Variants in MANSC4 observed in about 807,000 individuals in gnomAD.
The protein encoded by MANSC4 is MANSC domain containing 4.
Under a neutral mutation model 11.4 loss-of-function variants are expected in MANSC4, and 11 were observed. The ratio of observed to expected loss-of-function variants is 0.97; its 90% CI spans 0.61 to 1.60. The LOEUF is 1.60. Among genes scored for constraint, MANSC4 ranks in the 40% most tolerant of loss-of-function variants. MANSC4 has a pLI of 0.00. For synonymous variants in MANSC4, 123 were observed against 147.1 expected (o/e 0.84, Z 1.19); for missense variants, 354 against 404.6 (o/e 0.88, Z 1.07).
At chr12:27,766,384 C>T (rs1354348498) in intron 3 of MANSC4, among the ~76,000 whole-genome samples, 9 of 152,032 alleles carry the variant, frequency 5.9e-5, no homozygotes, top group Non-Finnish European at 1.3e-4. Flanking sequence ...CTTCCTTTGG[C>T]TTTGCTAAGA....
At chr12:27,767,551 A>G (rs970292484) in intron 2 of MANSC4, among the ~76,000 whole-genome samples, 1 of 151,978 alleles carries the variant, frequency 6.6e-6, no homozygotes, top group Non-Finnish European at 1.5e-5. Flanking sequence ...TAAAAATACA[A>G]AATTAGCCAG....
chr12:27,777,068 T>C (rs2062121881), intron 1 of MANSC4, among the ~76,000 whole-genome samples: 2 of 152,098 alleles, frequency 1.3e-5, no homozygotes, highest in South Asian at 4.1e-4. Context: ...ATAATGTTAT[T>C]ATCATATTGG....
chr12:27,765,677 T>C (rs2140797384), intron 3 of MANSC4, among the ~76,000 whole-genome samples: 1 of 152,320 alleles, frequency 6.6e-6, no homozygotes, highest in East Asian at 1.9e-4. Context: ...GTAAGATTTG[T>C]CACATCATCT....
chr12:27,770,685 A>G (rs2062096810), intron 2 of MANSC4, among the ~76,000 whole-genome samples: 1 of 152,164 alleles, frequency 6.6e-6, no homozygotes, highest in Admixed American at 6.5e-5. Context: ...AAAATTTAAA[A>G]TAAAATGAGA....
chr12:27,766,726 T>C lies in MANSC4; in HGVS notation c.303A>G (p.Pro101=). 2 of 1,551,702 alleles carry C rather than the reference T, an allele frequency of 1.3e-6. No homozygotes were observed. Among genetic ancestry groups the C allele is most frequent in the Non-Finnish European group, 1.7e-6 (2 of 1,146,972 alleles). Reference sequence around the variant, plus strand: ...GCTCTAATATGCAGCTCTCCAGTGTTGGGCAGTGAACATGGAGGCAGTTGA... The same window carrying C: ...GCTCTAATATGCAGCTCTCCAGTGTCGGGCAGTGAACATGGAGGCAGTTGA... ...DNINCLHVHC[P]TLESCILEPG... is the part of the protein sequence containing the mutation. The change falls in exon 3 of 4, where the codon CCA becomes CCG. Residue 101 remains proline (P), a synonymous_variant. Transcript: ENST00000381273.
At chr12:27,773,691 A>G (rs1007839089) in intron 1 of MANSC4, among the ~76,000 whole-genome samples, 1 of 152,228 alleles carries the variant, frequency 6.6e-6, no homozygotes, top group African/African-American at 2.4e-5. Flanking sequence ...TGTTTGGGAA[A>G]CACTGATATA....
In MANSC4 at chr12:27,766,756, G is replaced by A. The variant is rs952215244; in HGVS notation, c.273C>T (p.Asp91=). ...LAVFYHSPIH[D]NINCLHVHCP... ...AGTGAACATGGAGGCAGTTGATATT[G>A]TCATGAATAGGACTGTGGTAGAAGA... Residue 91 remains aspartate, a synonymous_variant, in exon 3 of 4, where the codon GAC becomes GAT. Coordinates refer to ENST00000381273, the MANE Select transcript of MANSC4 (RefSeq NM_001146221.5). 4.5e-6 allele frequency: 7 copies of A among 1,551,740 alleles called. No homozygotes were observed. Among genetic ancestry groups the A allele is most frequent in the African/African-American group, 1.4e-5 (1 of 73,170 alleles).
intron 2 of MANSC4, among the ~76,000 whole-genome samples, chr12:27,768,226 C>T (rs1290245999): frequency 1.3e-5 from 2 of 148,632 alleles, no homozygotes; most frequent in African/African-American, 2.4e-5. Flanking sequence ...GGCGAAACGT[C>T]GTCTCTACTA....
At chr12:27,770,774 AT>A (rs2062097110) in intron 2 of MANSC4, among the ~76,000 whole-genome samples, 1 of 152,230 alleles carries the variant, frequency 6.6e-6, no homozygotes, top group African/African-American at 2.4e-5. Context: ...AAATACTTTC[AT>A]TTAGCATTTT....
intron 1 of MANSC4, among the ~76,000 whole-genome samples, chr12:27,776,088 C>CAAA (rs35924016): frequency 6.8e-4 from 43 of 63,086 alleles, no homozygotes; most frequent in Non-Finnish European, 1.1e-3. Context: ...GAGACTGTCT[C>CAAA]AAAAAAAAAA....
At chr12:27,776,173 C>T (rs1302057400) in intron 1 of MANSC4, among the ~76,000 whole-genome samples, 1 of 151,268 alleles carries the variant, frequency 6.6e-6, no homozygotes, top group South Asian at 2.1e-4. Context: ...CTTGGTATTT[C>T]ATTCTACCAT....
At chr12:27,764,980 C>T (rs2062065801) in intron 3 of MANSC4, among the ~76,000 whole-genome samples, 1 of 151,736 alleles carries the variant, frequency 6.6e-6, no homozygotes. Flanking sequence ...TGGGACCAAC[C>T]ACAGGCACAC....
intron 3 of MANSC4, among the ~76,000 whole-genome samples, chr12:27,764,660 A>G (rs1488978735): frequency 1.3e-5 from 2 of 152,118 alleles, no homozygotes; most frequent in South Asian, 2.1e-4. Flanking sequence ...ATTGAAACCC[A>G]TATCAGTATG....
intron 2 of MANSC4, among the ~76,000 whole-genome samples, chr12:27,768,673 C>G (rs894288146): frequency 7.1e-6 from 1 of 141,834 alleles, no homozygotes; most frequent in Non-Finnish European, 1.5e-5. Context: ...GTCACCCAGA[C>G]TGGAGTGAAG....
At position 27,778,766 on chromosome 12, in the gene MANSC4, C is replaced by T. The variant is rs1020999262; in HGVS notation, c.-307+1444G>A. 2.6e-5 allele frequency among the ~76,000 whole-genome samples: 4 copies of T among 152,226 alleles called. No individual in the cohort carries two copies. The South Asian group carries it at 8.3e-4, about 32-fold the overall frequency. Reference sequence around the variant, plus strand: ...TCCAAACAATATATTTCTCCCCCCACCCCCTTCCTGGGATGAATTCATTAG... The same window carrying T: ...TCCAAACAATATATTTCTCCCCCCATCCCCTTCCTGGGATGAATTCATTAG... On this transcript the variant is annotated intron_variant, in intron 1 of 3. Coordinates refer to ENST00000381273, the MANE Select transcript of MANSC4 (RefSeq NM_001146221.5).
intron 1 of MANSC4, among the ~76,000 whole-genome samples, chr12:27,776,088 C>CA (rs35924016): frequency 0.038 from 2,401 of 62,916 alleles, 66 homozygotes; most frequent in African/African-American, 0.067. Context: ...GAGACTGTCT[C>CA]AAAAAAAAAA....
intron 2 of MANSC4, among the ~76,000 whole-genome samples, chr12:27,768,644 T>G (rs1285397087): frequency 3.1e-3 from 1 of 318 alleles, no homozygotes; most frequent in Non-Finnish European, 0.012. Context: ...TACCGACTTT[T>G]TTTTTTTTTT....
At chr12:27,774,986 TG>T (rs1044612878) in intron 1 of MANSC4, among the ~76,000 whole-genome samples, 2 of 151,990 alleles carry the variant, frequency 1.3e-5, no homozygotes, top group Non-Finnish European at 2.9e-5. Context: ...ATCGCGCCAC[TG>T]CACTCCAGCC....
chr12:27,767,515 C>G (rs1447277130), intron 2 of MANSC4, among the ~76,000 whole-genome samples: 1 of 151,898 alleles, frequency 6.6e-6, no homozygotes, highest in Non-Finnish European at 1.5e-5. Flanking sequence ...ACCAGCCTGA[C>G]CAACATGGAG....
Sources: gnomAD v4.1 joint callset for allele counts (sites outside exome capture counted in the v4.1 genomes callset) on GRCh38, gnomAD v4.1.1 for gene constraint, MANE v1.5 for transcripts, NCBI Gene and HGNC (gene_info 2026-07-23, HGNC 2026-07-21) for gene names.